Variants in VTI1A observed in about 807,000 individuals in gnomAD.
VTI1A encodes the protein vesicle transport through interaction with t-SNAREs 1A.
Under a neutral mutation model 34.9 loss-of-function variants are expected in VTI1A, and 22 were observed. The observed-to-expected ratio is 0.63, with a 90% CI of 0.45 to 0.90. The LOEUF is 0.90. Among genes scored for constraint, VTI1A ranks in the 40% least tolerant of loss-of-function variants. The pLI, the probability that VTI1A is intolerant of heterozygous loss-of-function variation, is 0.00. For synonymous variants in VTI1A, 87 were observed against 97.3 expected (o/e 0.89, Z 0.62); for missense variants, 268 against 275.6 (o/e 0.97, Z 0.20).
intron 5 of VTI1A, among the ~76,000 whole-genome samples, chr10:112,629,004 C>G (rs1846029248): frequency 2.6e-5 from 4 of 152,216 alleles, no homozygotes; most frequent in Admixed American, 2.6e-4. Flanking sequence ...CATTACCTCT[C>G]TTATCATCTT....
At chr10:112,465,623 A>C (rs1214447757) in intron 3 of VTI1A, among the ~76,000 whole-genome samples, 3 of 152,250 alleles carry the variant, frequency 2.0e-5, no homozygotes, top group African/African-American at 2.4e-5. Flanking sequence ...GACAAATACT[A>C]CATAATTCCA....
chr10:112,784,694 A>G (rs1027898144), intron 7 of VTI1A, among the ~76,000 whole-genome samples: 9 of 152,142 alleles, frequency 5.9e-5, no homozygotes, highest in African/African-American at 2.2e-4. Context: ...CTTGTCTACA[A>G]ACGGCAAACC....
intron 7 of VTI1A, among the ~76,000 whole-genome samples, chr10:112,674,986 G>A (rs1847975667): frequency 6.6e-6 from 1 of 152,154 alleles, no homozygotes; most frequent in Non-Finnish European, 1.5e-5. Context: ...ATTGGTGGCA[G>A]TAAATAATTT....
intron 5 of VTI1A, among the ~76,000 whole-genome samples, chr10:112,556,487 G>C (rs548769131): frequency 2.4e-4 from 36 of 152,050 alleles, no homozygotes; most frequent in African/African-American, 8.4e-4. Context: ...ATTTAAATCT[G>C]TTCTAGAAAA....
intron 7 of VTI1A, among the ~76,000 whole-genome samples, chr10:112,706,042 G>A (rs1849186819): frequency 6.6e-6 from 1 of 152,152 alleles, no homozygotes; most frequent in Non-Finnish European, 1.5e-5. Context: ...TGTCACAAAT[G>A]TAGCCTAGGA....
intron 7 of VTI1A, among the ~76,000 whole-genome samples, chr10:112,808,184 C>T (rs1276345575): frequency 6.6e-6 from 1 of 152,052 alleles, no homozygotes; most frequent in Non-Finnish European, 1.5e-5. Flanking sequence ...CACCACTGCC[C>T]TCCAGCCTGG....
At chr10:112,659,736 C>A (rs1339493319) in intron 5 of VTI1A, among the ~76,000 whole-genome samples, 1 of 152,202 alleles carries the variant, frequency 6.6e-6, no homozygotes, top group African/African-American at 2.4e-5. Context: ...CGCGCACGCG[C>A]GTGCATAGGC....
At position 112,686,901 on chromosome 10, in the gene VTI1A, A is replaced by G. The variant is rs556034594; in HGVS notation, c.560+17903A>G. Among the ~76,000 whole-genome samples, 12 of 152,200 alleles carry G rather than the reference A, an allele frequency of 7.9e-5. No individual in the cohort carries two copies. The Middle Eastern group carries it at 0.01, about 129-fold the overall frequency. On this transcript the variant is annotated intron_variant, in intron 7 of 7. Coordinates refer to ENST00000393077, the MANE Select transcript of VTI1A (RefSeq NM_145206.4). ...GGATTGAACTCCACCAGAAGGTGGAATTTTTCTTTAGGGGCACTGTGCCAT... is the reference window on the plus strand; with the variant it reads ...GGATTGAACTCCACCAGAAGGTGGAGTTTTTCTTTAGGGGCACTGTGCCAT...
chr10:112,458,114 A>G (rs576514387), intron 1 of VTI1A, among the ~76,000 whole-genome samples: 1 of 152,172 alleles, frequency 6.6e-6, no homozygotes, highest in South Asian at 2.1e-4. Context: ...AATATTAGCA[A>G]AGGGGAATAC....
chr10:112,677,179 C>G (rs143042008), intron 7 of VTI1A, among the ~76,000 whole-genome samples: 2 of 151,984 alleles, frequency 1.3e-5, no homozygotes, highest in Non-Finnish European at 2.9e-5. Context: ...CAGAAGAATC[C>G]GAGAGCTTTT....
downstream of VTI1A, chr10:112,818,813 A>G (rs542244949): frequency 1.2e-3 from 212 of 176,814 alleles, 1 homozygote; most frequent in African/African-American, 4.8e-3. Flanking sequence ...TACCCCAAGC[A>G]GCCTCTTGCC....
chr10:112,515,953 G>A (rs1849760234), intron 3 of VTI1A, among the ~76,000 whole-genome samples: 1 of 152,054 alleles, frequency 6.6e-6, no homozygotes. Flanking sequence ...TGTCACTAGA[G>A]GATAGGATTG....
intron 5 of VTI1A, among the ~76,000 whole-genome samples, chr10:112,652,215 C>T (rs1344179238): frequency 6.6e-6 from 1 of 152,124 alleles, no homozygotes; most frequent in Non-Finnish European, 1.5e-5. Context: ...TCAAAGCCTC[C>T]CACTGCCATA....
At chr10:112,789,164 C>A (rs1306174526) in intron 7 of VTI1A, among the ~76,000 whole-genome samples, 8 of 152,158 alleles carry the variant, frequency 5.3e-5, no homozygotes, top group Non-Finnish European at 8.8e-5. Context: ...ATTTGAATTA[C>A]CATCTGGCAT....
chr10:112,719,185 G>A (rs573035445), intron 7 of VTI1A, among the ~76,000 whole-genome samples: 2 of 152,084 alleles, frequency 1.3e-5, no homozygotes, highest in East Asian at 1.9e-4. Flanking sequence ...GTCGATCCTC[G>A]GTAGTAAAAT....
At chr10:112,799,133 C>T (rs1852782555) in intron 7 of VTI1A, among the ~76,000 whole-genome samples, 1 of 152,146 alleles carries the variant, frequency 6.6e-6, no homozygotes, top group Non-Finnish European at 1.5e-5. Context: ...GTTATTGATG[C>T]TGCCACAGAG....
intron 5 of VTI1A, among the ~76,000 whole-genome samples, chr10:112,654,972 A>T (rs1282618050): frequency 6.6e-6 from 1 of 152,204 alleles, no homozygotes; most frequent in East Asian, 1.9e-4. Flanking sequence ...GTGTGTGTGA[A>T]TAAAACTTTA....
chr10:112,623,431 A>G (rs1280195025), intron 5 of VTI1A, among the ~76,000 whole-genome samples: 1 of 128,866 alleles, frequency 7.8e-6, no homozygotes, highest in Non-Finnish European at 1.6e-5. Context: ...CAGTATTAAA[A>G]TAACCTTTTT....
At chr10:112,541,933 G>T (rs952423363) in intron 5 of VTI1A, among the ~76,000 whole-genome samples, 1 of 152,214 alleles carries the variant, frequency 6.6e-6, no homozygotes, top group East Asian at 1.9e-4. Context: ...CCATTGGCTT[G>T]ATCCAGTGTG....
Sources: gnomAD v4.1 joint callset for allele counts (sites outside exome capture counted in the v4.1 genomes callset) on GRCh38, gnomAD v4.1.1 for gene constraint, MANE v1.5 for transcripts, NCBI Gene and HGNC (gene_info 2026-07-23, HGNC 2026-07-21) for gene names.